PTPRT: variants seen among roughly 807,000 people sequenced by gnomAD.
PTPRT encodes the protein receptor-type tyrosine-protein phosphatase T.
PTPRT carries 56 observed loss-of-function variants against 176.8 expected under a neutral mutation model. That is an observed-to-expected ratio of 0.32 (90% confidence interval 0.26 to 0.40). PTPRT has a LOEUF of 0.40. Among genes scored for constraint, PTPRT ranks in the 10% least tolerant of loss-of-function variants. PTPRT has a pLI of 1.00. For synonymous variants in PTPRT, 783 were observed against 739.0 expected (o/e 1.06, Z -0.96); for missense variants, 1,540 against 1,908.2 (o/e 0.81, Z 3.60).
chr20:42,377,813 A>G (rs895620563), intron 9 of PTPRT, among the ~76,000 whole-genome samples: 1 of 152,244 alleles, frequency 6.6e-6, no homozygotes, highest in African/African-American at 2.4e-5. Context: ...AGAAAAGTGA[A>G]GGAAGAGAAA....
chr20:43,048,374 C>T (rs1314172119), intron 1 of PTPRT, among the ~76,000 whole-genome samples: 1 of 152,104 alleles, frequency 6.6e-6, no homozygotes, highest in African/African-American at 2.4e-5. Flanking sequence ...TTCTGGCAGG[C>T]TAACTATGGG....
At chr20:42,910,508 G>A (rs893051925) in intron 1 of PTPRT, among the ~76,000 whole-genome samples, 10 of 152,164 alleles carry the variant, frequency 6.6e-5, no homozygotes, top group African/African-American at 2.4e-4. Flanking sequence ...GATGTTGACA[G>A]GATGAGCTTA....
intron 13 of PTPRT, among the ~76,000 whole-genome samples, chr20:42,259,916 A>T (rs1207768734): frequency 6.6e-6 from 1 of 152,226 alleles, no homozygotes; most frequent in Non-Finnish European, 1.5e-5. Context: ...TGGTCTCATT[A>T]GCATCAGTTC....
chr20:43,069,711 T>A (rs1459366079), intron 1 of PTPRT, among the ~76,000 whole-genome samples: 2 of 152,152 alleles, frequency 1.3e-5, no homozygotes, highest in African/African-American at 4.8e-5. Flanking sequence ...GTCGGCTTTT[T>A]TATATAAGAG....
At chr20:42,850,883 A>G (rs2078456813) in intron 2 of PTPRT, among the ~76,000 whole-genome samples, 1 of 152,138 alleles carries the variant, frequency 6.6e-6, no homozygotes, top group South Asian at 2.1e-4. Flanking sequence ...CTTTCTTCTC[A>G]TCAGATGGAA....
chr20:42,181,106 G>C (rs6102708), intron 16 of PTPRT, among the ~76,000 whole-genome samples: 5,481 of 152,184 alleles, frequency 0.036, 324 homozygotes, highest in African/African-American at 0.12. Context: ...TTAGTTTCTT[G>C]TACTTTCCCA....
At chr20:43,067,811 T>TA (rs1388480460) in intron 1 of PTPRT, among the ~76,000 whole-genome samples, 1 of 149,090 alleles carries the variant, frequency 6.7e-6, no homozygotes, top group African/African-American at 2.5e-5. Context: ...TAAAACTTTT[T>TA]AAAAAATAGC....
chr20:42,304,586 G>C (rs1305950490), intron 12 of PTPRT, among the ~76,000 whole-genome samples: 1 of 152,138 alleles, frequency 6.6e-6, no homozygotes, highest in Non-Finnish European at 1.5e-5. Flanking sequence ...CAACAGGAAA[G>C]ACCCCATGCT....
intron 9 of PTPRT, among the ~76,000 whole-genome samples, chr20:42,427,054 GT>G (rs2145788629): frequency 6.6e-6 from 1 of 152,252 alleles, no homozygotes; most frequent in African/African-American, 2.4e-5. Context: ...CACCCCTGAA[GT>G]TTCTGATTCA....
chr20:42,569,304 TC>T, intron 7 of PTPRT, among the ~76,000 whole-genome samples: 1 of 151,748 alleles, frequency 6.6e-6, no homozygotes, highest in Admixed American at 6.6e-5. Context: ...ATGTCTCCTT[TC>T]CCAATAGACT....
intron 1 of PTPRT, among the ~76,000 whole-genome samples, chr20:43,032,343 C>G (rs1225252436): frequency 1.3e-5 from 2 of 151,868 alleles, no homozygotes; most frequent in Admixed American, 1.3e-4. Context: ...AAGAATATTT[C>G]CACCATTGCA....
rs546049931 is a variant in PTPRT at position 42,728,543 on chromosome 20, A to G, written c.859+27919T>C. Among the ~76,000 whole-genome samples the G allele has an allele frequency of 3.3e-5, 5 of 152,326 alleles. No individual in the cohort carries two copies. In the South Asian group the frequency reaches 8.3e-4, roughly 25 times the overall value. On this transcript the variant is annotated intron_variant, in intron 6 of 30. Coordinates refer to ENST00000373187, the MANE Select transcript of PTPRT (RefSeq NM_007050.6). Reference sequence around the variant, plus strand: ...ACAGCACTAAGAGCATCCAACATTGACTAGCAGTTACCTCTAGTTCATTCC... The same window carrying G: ...ACAGCACTAAGAGCATCCAACATTGGCTAGCAGTTACCTCTAGTTCATTCC...
intron 2 of PTPRT, among the ~76,000 whole-genome samples, chr20:42,805,664 A>AC (rs2077595660): frequency 6.6e-6 from 1 of 152,080 alleles, no homozygotes; most frequent in Admixed American, 6.5e-5. Flanking sequence ...TGCCATGATT[A>AC]CCCCTTTTAA....
rs112551379 is a variant in PTPRT at position 43,165,483 on chromosome 20, C to G, written c.88+24163G>C. 2.6e-3 allele frequency among the ~76,000 whole-genome samples: 390 copies of G among 152,278 alleles called. 3 individuals carry two copies. The highest frequency in any genetic ancestry group is 4.8e-3 in the Non-Finnish European group (326 of 68,018). The stretch of plus-strand genomic sequence containing the variant: ...CACCCCTGCTAAACACACTCTCTTG[C>G]CTACTGCCATGTAAGATGTGCCTTT... On this transcript the variant is annotated intron_variant, in intron 1 of 30. Transcript: ENST00000373187.
At chr20:42,914,895 A>T (rs929313262) in intron 1 of PTPRT, among the ~76,000 whole-genome samples, 1 of 151,950 alleles carries the variant, frequency 6.6e-6, no homozygotes, top group Non-Finnish European at 1.5e-5. Context: ...AAAAAAATAC[A>T]TACCAAACAT....
chr20:42,805,362 G>A lies in PTPRT; in HGVS notation c.215-13896C>T, dbSNP rs77115494. 7.7e-4 allele frequency among the ~76,000 whole-genome samples: 117 copies of A among 152,234 alleles called. No homozygotes were observed. In the East Asian group the frequency reaches 0.015, roughly 19 times the overall value. The stretch of plus-strand genomic sequence containing the variant: ...TTAATGGGGGATAACAGTTTATAGT[G>A]GCCTTGTCTGCATTGAAGCTATATC... On this transcript the variant is annotated intron_variant, in intron 2 of 30. Transcript: ENST00000373187.
chr20:42,412,063 AAATT>A (rs1404554227), intron 9 of PTPRT, among the ~76,000 whole-genome samples: 1 of 152,242 alleles, frequency 6.6e-6, no homozygotes, highest in Non-Finnish European at 1.5e-5. Flanking sequence ...TGATTAGTTG[AAATT>A]CATTGAAATT....
At chr20:42,767,606 T>G (rs1469656717) in intron 5 of PTPRT, among the ~76,000 whole-genome samples, 2 of 150,906 alleles carry the variant, frequency 1.3e-5, no homozygotes, top group Non-Finnish European at 2.9e-5. Flanking sequence ...TGTTTACATC[T>G]ATAAGGAAAC....
At chr20:42,895,222 C>A (rs2079274010) in intron 1 of PTPRT, among the ~76,000 whole-genome samples, 1 of 152,178 alleles carries the variant, frequency 6.6e-6, no homozygotes, top group Non-Finnish European at 1.5e-5. Flanking sequence ...GGCCAGGAAT[C>A]TCAGACCAAA....
Sources: allele counts gnomAD v4.1 joint callset (sites outside exome capture counted in the v4.1 genomes callset), GRCh38; gene constraint gnomAD v4.1.1; transcripts MANE v1.5; gene names NCBI Gene and HGNC (gene_info 2026-07-23, HGNC 2026-07-21).